The following UQCRC2 variants were observed in gnomAD, a reference collection of about 807,000 sequenced individuals.
UQCRC2 encodes ubiquinol-cytochrome c reductase core protein 2.
UQCRC2 carries 49 observed loss-of-function variants against 55.6 expected under a neutral mutation model. That is an observed-to-expected ratio of 0.88 (90% CI 0.70 to 1.12). The LOEUF (loss-of-function observed/expected upper bound fraction) is 1.12. Ranked by LOEUF, UQCRC2 falls within the 50% of genes most tolerant of loss-of-function variation. The pLI, the probability that UQCRC2 is intolerant of heterozygous loss-of-function variation, is 0.00. For missense variants in UQCRC2, 506 were observed against 547.8 expected (o/e 0.92, Z 0.76); for synonymous variants, 193 against 192.0 (o/e 1.01, Z -0.04).
chr16:21,981,162 T>C (rs1426125683), intron 13 of UQCRC2, among the ~76,000 whole-genome samples: 1 of 152,222 alleles, frequency 6.6e-6, no homozygotes, highest in Non-Finnish European at 1.5e-5. Flanking sequence ...ATCTAGCATC[T>C]TAAGATTTTC....
In UQCRC2 at chr16:21,968,519, C is replaced by G; in HGVS notation, c.613-109C>G. 8 of 922,270 alleles carry G rather than the reference C, an allele frequency of 8.7e-6. No individual in the cohort carries two copies. In the South Asian group the frequency reaches 9.0e-5, roughly 10 times the overall value. 57.1% of individuals were successfully genotyped at this position (922,270 alleles called of 1,614,324 possible). Reference sequence around the variant, plus strand: ...AGTACCTTGTAGTTCATTACAGCAACTTATAAGGCCTTATAAGTATTTATT... The same window carrying G: ...AGTACCTTGTAGTTCATTACAGCAAGTTATAAGGCCTTATAAGTATTTATT... On this transcript the variant is annotated intron_variant, in intron 7 of 13. Coordinates refer to ENST00000268379, the MANE Select transcript of UQCRC2 (RefSeq NM_003366.4).
intron 4 of UQCRC2, among the ~76,000 whole-genome samples, chr16:21,960,781 G>A (rs928268844): frequency 6.6e-6 from 1 of 152,046 alleles, no homozygotes; most frequent in Non-Finnish European, 1.5e-5. Context: ...AAAGACTTGG[G>A]GAGCAGCTGG....
intron 7 of UQCRC2, among the ~76,000 whole-genome samples, chr16:21,966,108 G>C (rs563416998): frequency 6.7e-6 from 1 of 149,690 alleles, no homozygotes; most frequent in East Asian, 2.1e-4. Context: ...GAGGCCAGGA[G>C]TTCAAGACCA....
chr16:21,968,781 A>C lies in UQCRC2; in HGVS notation c.670+96A>C, dbSNP rs1898388875. On this transcript the variant is annotated intron_variant, in intron 8 of 13. Transcript: ENST00000268379. ...AACATAGGATTGAACAAAATTTGAA[A>C]ACTTCGGCCTTCTATTTATGTCAGA... 3 of 1,105,028 alleles carry C rather than the reference A, an allele frequency of 2.7e-6. No individual in the cohort carries two copies. The South Asian group carries it at 6.0e-5, about 22-fold the overall frequency. The allele number at this position is 1,105,028 out of a possible 1,614,324, so 68.5% of individuals were successfully genotyped here.
chr16:21,953,933 G>A (rs1898052428), intron 1 of UQCRC2, among the ~76,000 whole-genome samples: 1 of 152,180 alleles, frequency 6.6e-6, no homozygotes, highest in Non-Finnish European at 1.5e-5. Flanking sequence ...GAACTTCATT[G>A]TTAAATACTA....
chr16:21,958,589 G>A lies in UQCRC2; in HGVS notation c.322G>A (p.Gly108Ser), dbSNP rs750608151. Reference protein sequence around the residue: ...KITRGIEAVGGKLSVTATREN... With the variant: ...KITRGIEAVGSKLSVTATREN... ...AACCCGTGGAATTGAAGCAGTTGGT[G>A]GCAAATTAAGGTTTGTTAAATAAGT... Residue 108 changes from glycine to serine, a missense_variant, in exon 4 of 14, where the codon GGC becomes AGC. Physicochemically the swap from Gly to Ser is moderately conservative, Grantham distance 56. Transcript: ENST00000268379. The A allele has an allele frequency of 6.2e-7, 1 of 1,611,668 alleles. No homozygotes were observed. Among genetic ancestry groups the A allele is most frequent in the South Asian group, 1.1e-5 (1 of 90,390 alleles).
At chr16:21,959,148 T>C (rs1404773685) in intron 4 of UQCRC2, among the ~76,000 whole-genome samples, 1 of 152,168 alleles carries the variant, frequency 6.6e-6, no homozygotes, top group East Asian at 1.9e-4. Flanking sequence ...GATAATTTCT[T>C]AAAATCAGAC....
Position 21,973,956 on chromosome 16 carries a change from C to G in UQCRC2, c.1027C>G (p.Gln343Glu). Residue 343 changes from glutamine (Q) to glutamate (E), a missense_variant, in exon 11 of 14, where the codon CAG becomes GAG. Transcript: ENST00000268379. ...ACTCTTTGGGATTTATACTATCTCC[C>G]AGGCCACAGCTGCTGGAGATGTAAG... is the stretch of plus-strand genomic sequence containing the variant. Reference protein sequence around the residue: ...SGLFGIYTISQATAAGDVIKA... With the variant: ...SGLFGIYTISEATAAGDVIKA... The G allele has an allele frequency of 6.2e-7, 1 of 1,608,938 alleles. No homozygotes were observed. Among genetic ancestry groups the G allele is most frequent in the South Asian group, 1.1e-5 (1 of 90,000 alleles).
chr16:21,972,221 C>A, intron 10 of UQCRC2, 99 bp downstream of exon 10: 1 of 1,425,654 alleles, frequency 7.0e-7, no homozygotes, highest in Non-Finnish European at 9.5e-7. Context: ...GACAAACACA[C>A]AGAAAATCTT....
chr16:21,977,952 G>A (rs1353805140), intron 12 of UQCRC2, among the ~76,000 whole-genome samples: 3 of 152,132 alleles, frequency 2.0e-5, no homozygotes, highest in Admixed American at 2.0e-4. Context: ...CTGCTTGATT[G>A]TACCAGAAAC....
intron 12 of UQCRC2, chr16:21,976,821 A>G (rs535927866): frequency 6.6e-6 from 1 of 152,206 alleles, no homozygotes. Flanking sequence ...GACAAAAATG[A>G]TCTCTGATTT....
chr16:21,959,162 A>G (rs1223282770), intron 4 of UQCRC2, among the ~76,000 whole-genome samples: 3 of 152,196 alleles, frequency 2.0e-5, no homozygotes, highest in East Asian at 3.9e-4. Flanking sequence ...ATCAGACAAC[A>G]GTGAAGTTTG....
At chr16:21,968,778 G>T in intron 8 of UQCRC2, 93 bp downstream of exon 8, 3 of 1,138,418 alleles carry the variant, frequency 2.6e-6, no homozygotes, top group Non-Finnish European at 3.7e-6. Context: ...AACAAAATTT[G>T]AAAACTTCGG....
At position 21,971,903 on chromosome 16, in the gene UQCRC2, TA is replaced by T; in HGVS notation, c.767-19del. The T allele has an allele frequency of 6.2e-7, 1 of 1,613,006 alleles. No homozygotes were observed. The highest frequency in any genetic ancestry group is 8.5e-7 in the Non-Finnish European group (1 of 1,179,996). ...GAACAAGCCATTTTCTTCTTCCCTC[TA>T]TCCTTAATCTGGCCCCAGGTGAAAT... On this transcript the variant is annotated intron_variant, in intron 9 of 13. Coordinates refer to ENST00000268379, the MANE Select transcript of UQCRC2 (RefSeq NM_003366.4).
intron 12 of UQCRC2, 196 bp from the exon 13 acceptor site, chr16:21,980,351 T>A: frequency 9.8e-6 from 6 of 610,704 alleles, no homozygotes; most frequent in Non-Finnish European, 2.7e-6. Context: ...AAGAGACTTC[T>A]TCCCTTCAGA....
intron 8 of UQCRC2, among the ~76,000 whole-genome samples, chr16:21,969,360 C>T (rs1898403148): frequency 6.6e-6 from 1 of 152,066 alleles, no homozygotes; most frequent in Non-Finnish European, 1.5e-5. Flanking sequence ...ATGGCGAAAC[C>T]CCGTCTCTAC....
chr16:21,960,007 T>C (rs1222309285), intron 4 of UQCRC2, among the ~76,000 whole-genome samples: 1 of 152,198 alleles, frequency 6.6e-6, no homozygotes, highest in East Asian at 1.9e-4. Flanking sequence ...TTAGCATAAT[T>C]CCTAAGGGCT....
chr16:21,960,197 T>TA (rs1898167837), intron 4 of UQCRC2, among the ~76,000 whole-genome samples: 1 of 152,234 alleles, frequency 6.6e-6, no homozygotes, highest in South Asian at 2.1e-4. Flanking sequence ...ATCTGTGGTT[T>TA]AGTGTAGCCA....
chr16:21,972,125 G>A lies in UQCRC2; in HGVS notation c.966+3G>A. The stretch of plus-strand genomic sequence containing the variant: ...AGGCAACTCAGCAGCCATTTGATGT[G>A]AGTCTGAACAGTTGGTATCTCTCTT... On this transcript the variant is annotated splice_donor_region_variant and intron_variant, in intron 10 of 13. Coordinates refer to ENST00000268379, the MANE Select transcript of UQCRC2 (RefSeq NM_003366.4). 6.2e-7 allele frequency: 1 copy of A among 1,611,876 alleles called. No individual in the cohort carries two copies. The highest frequency in any genetic ancestry group is 8.5e-7 in the Non-Finnish European group (1 of 1,178,924).
Sources: allele counts gnomAD v4.1 joint callset (sites outside exome capture counted in the v4.1 genomes callset), GRCh38; gene constraint gnomAD v4.1.1; transcripts MANE v1.5; gene names NCBI Gene and HGNC (gene_info 2026-07-23, HGNC 2026-07-21).